The following SV2C variants were observed in gnomAD, a reference collection of about 807,000 sequenced individuals.
SV2C encodes the protein synaptic vesicle glycoprotein 2C.
Under a neutral mutation model 79.7 loss-of-function variants are expected in SV2C, and 49 were observed. The ratio of observed to expected loss-of-function variants is 0.61; its 90% CI spans 0.49 to 0.78. The LOEUF (loss-of-function observed/expected upper bound fraction) is 0.78. Among genes scored for constraint, SV2C ranks in the 30% least tolerant of loss-of-function variants. SV2C has a pLI of 0.00. For missense variants in SV2C, 833 were observed against 912.9 expected, an observed-to-expected ratio of 0.91 and a Z score of 1.13; for synonymous variants, 334 against 333.2, an observed-to-expected ratio of 1.00 and a Z score of -0.03.
the SV2C span, among the ~76,000 whole-genome samples, chr5:76,002,166 G>A: frequency 0.13 from 10,570 of 79,040 alleles, 400 homozygotes; most frequent in Admixed American, 0.19. Context: ...TCCATTTTGT[G>A]TGTGTATATA....
intron 2 of SV2C, among the ~76,000 whole-genome samples, chr5:76,171,571 C>T (rs1407442613): frequency 6.9e-6 from 1 of 144,064 alleles, no homozygotes; most frequent in Non-Finnish European, 1.6e-5. Flanking sequence ...AAGTGAGGAG[C>T]GTCTCCGCCG....
At chr5:75,998,585 C>T in the SV2C span, among the ~76,000 whole-genome samples, 125,049 of 152,108 alleles carry the variant, frequency 0.82, 51,647 homozygotes, top group Middle Eastern at 0.91. Flanking sequence ...ACAACTAGCC[C>T]TTACTCTTCA....
At chr5:76,188,733 A>G (rs763043560) in intron 2 of SV2C, among the ~76,000 whole-genome samples, 9 of 152,042 alleles carry the variant, frequency 5.9e-5, no homozygotes, top group Non-Finnish European at 1.3e-4. Flanking sequence ...GTAACCAGTA[A>G]TGACAAAAAA....
At chr5:76,292,362 C>T (rs1375857826) in intron 8 of SV2C, among the ~76,000 whole-genome samples, 1 of 152,190 alleles carries the variant, frequency 6.6e-6, no homozygotes, top group Non-Finnish European at 1.5e-5. Context: ...CCCTTCTCAG[C>T]TCTACTTTAC....
chr5:76,028,611 C>A, the SV2C span, among the ~76,000 whole-genome samples: 2 of 152,154 alleles, frequency 1.3e-5, no homozygotes, highest in Non-Finnish European at 2.9e-5. Context: ...ATTTCCCAGA[C>A]AATAATCTGG....
chr5:75,953,196 A>G, the SV2C span, among the ~76,000 whole-genome samples: 1 of 151,906 alleles, frequency 6.6e-6, no homozygotes, highest in Non-Finnish European at 1.5e-5. Context: ...GCTCTTTTTA[A>G]CAATCAGCTC....
At chr5:76,243,297 T>G (rs942622588) in intron 4 of SV2C, among the ~76,000 whole-genome samples, 1 of 152,148 alleles carries the variant, frequency 6.6e-6, no homozygotes, top group African/African-American at 2.4e-5. Flanking sequence ...AAGTAAAGGA[T>G]TCCACAAGAA....
chr5:76,203,624 G>A (rs1007025504), intron 3 of SV2C, among the ~76,000 whole-genome samples: 3 of 152,024 alleles, frequency 2.0e-5, no homozygotes, highest in African/African-American at 4.8e-5. Flanking sequence ...TAGGGGGTTA[G>A]GCCACCAATC....
At chr5:75,978,816 T>A in the SV2C span, among the ~76,000 whole-genome samples, 138 of 152,124 alleles carry the variant, frequency 9.1e-4, no homozygotes, top group Admixed American at 1.7e-3. Context: ...ATGTCAGGGC[T>A]GGGTGCAGTG....
the SV2C span, among the ~76,000 whole-genome samples, chr5:75,919,236 T>C: frequency 6.6e-6 from 1 of 152,352 alleles, no homozygotes; most frequent in South Asian, 2.1e-4. Context: ...CAAGAAAGGC[T>C]AGATCAGAGA....
chr5:76,099,268 C>T (rs1367454347), intron 1 of SV2C, among the ~76,000 whole-genome samples: 1 of 151,970 alleles, frequency 6.6e-6, no homozygotes, highest in South Asian at 2.1e-4. Flanking sequence ...GATTGAAGTG[C>T]TATAAAATGT....
intron 1 of SV2C, among the ~76,000 whole-genome samples, chr5:76,087,968 C>T (rs925673180): frequency 8.5e-5 from 13 of 152,144 alleles, no homozygotes; most frequent in African/African-American, 3.1e-4. Flanking sequence ...ATTGTAATGA[C>T]AGGTTAGTTG....
chr5:76,070,299 G>A, the SV2C span, among the ~76,000 whole-genome samples: 1 of 152,164 alleles, frequency 6.6e-6, no homozygotes, highest in Non-Finnish European at 1.5e-5. Context: ...TTATGTGCAT[G>A]TGTTTCCAGG....
At chr5:76,019,638 T>C in the SV2C span, among the ~76,000 whole-genome samples, 2 of 152,204 alleles carry the variant, frequency 1.3e-5, no homozygotes, top group East Asian at 1.9e-4. Context: ...TTCTATAAAT[T>C]GGGCTAATTG....
chr5:76,208,093 C>T (rs1744662571), intron 3 of SV2C, among the ~76,000 whole-genome samples: 1 of 152,094 alleles, frequency 6.6e-6, no homozygotes, highest in East Asian at 1.9e-4. Context: ...TAGGTAGAAC[C>T]ACTGCTGTCA....
chr5:76,213,165 C>A (rs1744252023), intron 4 of SV2C, among the ~76,000 whole-genome samples: 1 of 151,902 alleles, frequency 6.6e-6, no homozygotes, highest in South Asian at 2.1e-4. Context: ...CTTTCCATGG[C>A]CAGAAGTGTG....
rs34569063 is a variant in SV2C, at chr5:76,146,797, TAA to T, written c.580+14489_580+14490del. On this transcript the variant is annotated intron_variant, in intron 2 of 12. Coordinates refer to ENST00000502798, the MANE Select transcript of SV2C (RefSeq NM_014979.4). Reference sequence around the variant, plus strand: ...GATGATAAAGGAATGAGTTTTTTTTTAAAAAAAAAAAAAAAAAAAAAAAGCCA... The same window carrying T: ...GATGATAAAGGAATGAGTTTTTTTTTAAAAAAAAAAAAAAAAAAAAAGCCA... Among the ~76,000 whole-genome samples, 144 of 39,334 alleles carry T rather than the reference TAA, an allele frequency of 3.7e-3. 1 individual carries two copies. Among genetic ancestry groups the T allele is most frequent in the African/African-American group, 0.019 (132 of 7,062 alleles). The allele number at this position is 39,334 out of a possible 152,430, so 25.8% of individuals were successfully genotyped here.
At position 76,132,117 on chromosome 5, in the gene SV2C, C is replaced by T. The variant is rs370412557; in HGVS notation, c.367C>T (p.Leu123=). ...CGATGAGTACAAGGACCGGCGGGAGCTGGAATCAGAAAGGAGAGCTGACGA... is the reference window on the plus strand; with the variant it reads ...CGATGAGTACAAGGACCGGCGGGAGTTGGAATCAGAAAGGAGAGCTGACGA... ...KGDEYKDRRE[L]ESERRADEEE... The change falls in exon 2 of 13, where the codon CTG becomes TTG. Residue 123 remains leucine, a synonymous_variant. Transcript: ENST00000502798. 1.9e-6 allele frequency: 3 copies of T among 1,613,932 alleles called. No homozygotes were observed. Among genetic ancestry groups the T allele is most frequent in the African/African-American group, 2.7e-5 (2 of 75,016 alleles).
chr5:75,872,979 G>C, the SV2C span, among the ~76,000 whole-genome samples: 1 of 151,838 alleles, frequency 6.6e-6, no homozygotes, highest in Non-Finnish European at 1.5e-5. Context: ...TAAATATGTA[G>C]ACATACATAA....
Sources: allele counts gnomAD v4.1 joint callset (sites outside exome capture counted in the v4.1 genomes callset), GRCh38; gene constraint gnomAD v4.1.1; transcripts MANE v1.5; gene names NCBI Gene and HGNC (gene_info 2026-07-23, HGNC 2026-07-21).